The following MICU1 variants were observed in gnomAD, a reference collection of about 807,000 sequenced individuals.
MICU1 encodes the protein mitochondrial calcium uptake 1, also known as calcium uptake protein 1, mitochondrial.
Under a neutral mutation model 56.8 loss-of-function variants are expected in MICU1, and 45 were observed. The ratio of observed to expected loss-of-function variants is 0.79; its 90% CI spans 0.62 to 1.02. The LOEUF (loss-of-function observed/expected upper bound fraction) is 1.02, where lower values mean the gene tolerates loss of function less well. Among genes scored for constraint, MICU1 ranks in the 50% least tolerant of loss-of-function variants. MICU1 has a pLI of 0.00. For missense variants in MICU1, 504 were observed against 587.1 expected (o/e 0.86, Z 1.46); for synonymous variants, 186 against 195.1 (o/e 0.95, Z 0.39).
intron 6 of MICU1, among the ~76,000 whole-genome samples, chr10:72,503,489 T>G (rs1564906674): frequency 6.6e-6 from 1 of 152,126 alleles, no homozygotes; most frequent in Non-Finnish European, 1.5e-5. Context: ...TCAGGAATGT[T>G]GCTAAATATC....
Position 72,562,945 on chromosome 10 carries a change from G to C in MICU1, c.280C>G (p.Pro94Ala). The C allele has an allele frequency of 6.2e-7, 1 of 1,607,050 alleles. No homozygotes were observed. ...TTCTTCTTTTTCTCTTCTGGGTGAGGGGCAAGATCTGCAGTCTTTTTCTCA... is the reference window on the plus strand; with the variant it reads ...TTCTTCTTTTTCTCTTCTGGGTGAGCGGCAAGATCTGCAGTCTTTTTCTCA... ...NHEKKTADLAPHPEEKKKKRS... is the reference protein window; with the variant it reads ...NHEKKTADLAAHPEEKKKKRS... The change falls in exon 3 of 12, where the codon CCT (proline) becomes GCT (alanine). Residue 94 changes from proline to alanine, a missense_variant. Coordinates refer to ENST00000361114, the MANE Select transcript of MICU1 (RefSeq NM_001195518.2).
chr10:72,488,352 G>A (rs1866543028), intron 6 of MICU1, among the ~76,000 whole-genome samples: 1 of 151,996 alleles, frequency 6.6e-6, no homozygotes, highest in African/African-American at 2.4e-5. Context: ...ATATGGCAAA[G>A]AATATTTATC....
At chr10:72,456,114 C>T (rs892222354) in intron 8 of MICU1, among the ~76,000 whole-genome samples, 4 of 152,130 alleles carry the variant, frequency 2.6e-5, no homozygotes, top group East Asian at 3.9e-4. Context: ...TGAACAGCAC[C>T]GGTGGGTTGA....
intron 6 of MICU1, chr10:72,501,911 T>C (rs952227918): frequency 6.6e-6 from 1 of 152,184 alleles, no homozygotes; most frequent in Non-Finnish European, 1.5e-5. Flanking sequence ...TGGAAGAAAT[T>C]ATATTGCATA....
At chr10:72,433,581 C>T (rs1035585147) in intron 8 of MICU1, among the ~76,000 whole-genome samples, 2 of 152,122 alleles carry the variant, frequency 1.3e-5, no homozygotes, top group Admixed American at 1.3e-4. Context: ...GCGCCTGCCA[C>T]CACGCCTGGC....
At chr10:72,513,678 CTCTT>C (rs749266541) in intron 5 of MICU1, among the ~76,000 whole-genome samples, 13 of 151,998 alleles carry the variant, frequency 8.6e-5, no homozygotes, top group Non-Finnish European at 1.9e-4. Context: ...ACAGCATTTG[CTCTT>C]TTTTTTTAGG....
At chr10:72,475,947 C>A in intron 7 of MICU1, 4 of 455,032 alleles carry the variant, frequency 8.8e-6, no homozygotes, top group Non-Finnish European at 1.8e-5. Context: ...TCTCTCATGA[C>A]CAGGTGTGGT....
At chr10:72,622,097 GT>G in intron 1 of MICU1, among the ~76,000 whole-genome samples, 1 of 151,966 alleles carries the variant, frequency 6.6e-6, no homozygotes, top group African/African-American at 2.4e-5. Flanking sequence ...TTGTATGTTT[GT>G]TTTTTTAGTA....
chr10:72,542,270 TA>T (rs920317337), intron 4 of MICU1, among the ~76,000 whole-genome samples: 4 of 152,124 alleles, frequency 2.6e-5, no homozygotes, highest in African/African-American at 9.7e-5. Flanking sequence ...TTCACCCATT[TA>T]AAAAATGTAA....
intron 4 of MICU1, among the ~76,000 whole-genome samples, chr10:72,549,639 T>C (rs1328138241): frequency 6.6e-6 from 1 of 152,108 alleles, no homozygotes; most frequent in Admixed American, 6.6e-5. Flanking sequence ...CTCTAAAGAA[T>C]TGGTTTCTTA....
chr10:72,456,564 A>G (rs1865463264), intron 8 of MICU1, among the ~76,000 whole-genome samples: 1 of 152,184 alleles, frequency 6.6e-6, no homozygotes, highest in Admixed American at 6.5e-5. Context: ...AAGCTTTTAG[A>G]CGACTAAAAT....
At chr10:72,371,133 C>T (rs550246657) in intron 11 of MICU1, among the ~76,000 whole-genome samples, 2 of 152,132 alleles carry the variant, frequency 1.3e-5, no homozygotes, top group African/African-American at 4.8e-5. Context: ...CGCCTATAAT[C>T]CCAGCACTTT....
intron 8 of MICU1, among the ~76,000 whole-genome samples, chr10:72,426,723 C>T (rs534928343): frequency 6.6e-6 from 1 of 152,206 alleles, no homozygotes; most frequent in South Asian, 2.1e-4. Context: ...TGATGCTCAA[C>T]CAGTAAGTAT....
intron 5 of MICU1, among the ~76,000 whole-genome samples, chr10:72,516,405 G>A (rs2132368839): frequency 6.6e-6 from 1 of 152,210 alleles, no homozygotes; most frequent in Non-Finnish European, 1.5e-5. Flanking sequence ...TCTGATGATA[G>A]TTTCTTTTGC....
chr10:72,423,425 T>A, intron 8 of MICU1, 54 bp from the exon 9 acceptor site: 1 of 1,580,994 alleles, frequency 6.3e-7, no homozygotes, highest in Admixed American at 1.8e-5. Context: ...TATTTTGACG[T>A]GGAACACGGA....
At chr10:72,564,368 C>A (rs1034043457) in intron 2 of MICU1, among the ~76,000 whole-genome samples, 7 of 151,850 alleles carry the variant, frequency 4.6e-5, no homozygotes, top group Admixed American at 3.9e-4. Context: ...TGGCAAAAAA[C>A]CATCTCTACT....
chr10:72,489,989 T>C (rs1249167303), intron 6 of MICU1, among the ~76,000 whole-genome samples: 3 of 152,204 alleles, frequency 2.0e-5, no homozygotes, highest in African/African-American at 4.8e-5. Flanking sequence ...TCAGACAGTT[T>C]TGGAAGTTGA....
At chr10:72,617,803 G>A (rs761052045) in intron 1 of MICU1, among the ~76,000 whole-genome samples, 16 of 152,292 alleles carry the variant, frequency 1.1e-4, no homozygotes, top group South Asian at 1.0e-3. Flanking sequence ...CTGCACTCCA[G>A]CCTGGGTGAC....
intron 6 of MICU1, among the ~76,000 whole-genome samples, chr10:72,506,880 GT>G (rs373631043): frequency 6.2e-4 from 95 of 152,142 alleles, no homozygotes; most frequent in African/African-American, 2.2e-3. Context: ...ACAAATCAAT[GT>G]GTATTTTCAT....
Sources: gnomAD v4.1 joint callset for allele counts (sites outside exome capture counted in the v4.1 genomes callset) on GRCh38, gnomAD v4.1.1 for gene constraint, MANE v1.5 for transcripts, NCBI Gene and HGNC (gene_info 2026-07-23, HGNC 2026-07-21) for gene names.